TCP11L1: variants seen among roughly 807,000 people sequenced by gnomAD.
TCP11L1 encodes the protein t-complex 11 like 1, also known as T-complex protein 11-like protein 1.
TCP11L1 carries 28 observed loss-of-function variants against 48.9 expected under a neutral mutation model. The observed-to-expected ratio is 0.57, with a 90% CI of 0.42 to 0.78. The LOEUF (loss-of-function observed/expected upper bound fraction) is 0.78. Ranked by LOEUF, TCP11L1 falls within the 30% of genes least tolerant of loss-of-function variation. The probability of loss-of-function intolerance (pLI) is 0.00; values close to 1 mark genes in which losing one functional copy is unlikely to be tolerated. For missense variants in TCP11L1, 505 were observed against 613.4 expected (o/e 0.82, Z 1.87); for synonymous variants, 204 against 231.9 (o/e 0.88, Z 1.09).
chr11:33,046,127 G>A (rs951529532), intron 2 of TCP11L1, among the ~76,000 whole-genome samples: 4 of 152,226 alleles, frequency 2.6e-5, no homozygotes, highest in African/African-American at 4.8e-5. Flanking sequence ...GGTGCTGCAG[G>A]GCAGCCTTCT....
At chr11:33,042,062 C>T (rs980139951) in intron 1 of TCP11L1, among the ~76,000 whole-genome samples, 2 of 152,220 alleles carry the variant, frequency 1.3e-5, no homozygotes, top group African/African-American at 4.8e-5. Context: ...CTCCCAGAAA[C>T]ACCCTAGGAA....
At chr11:33,062,416 C>T (rs1353973818) in intron 7 of TCP11L1, among the ~76,000 whole-genome samples, 1 of 151,646 alleles carries the variant, frequency 6.6e-6, no homozygotes, top group Admixed American at 6.6e-5. Flanking sequence ...TGCCTGGCTT[C>T]TTTCACCAAT....
intron 2 of TCP11L1, among the ~76,000 whole-genome samples, chr11:33,051,676 C>T (rs1295607374): frequency 6.6e-6 from 1 of 151,996 alleles, no homozygotes; most frequent in African/African-American, 2.4e-5. Context: ...CCAGGCTGGT[C>T]TCGAACTCCT....
At chr11:33,065,415 C>T (rs150802163) in intron 7 of TCP11L1, among the ~76,000 whole-genome samples, 98 of 152,274 alleles carry the variant, frequency 6.4e-4, no homozygotes, top group African/African-American at 2.4e-3. Flanking sequence ...AGGCATGCAC[C>T]ACCACACCCG....
chr11:33,064,566 A>G (rs1335747679), intron 7 of TCP11L1, among the ~76,000 whole-genome samples: 1 of 147,354 alleles, frequency 6.8e-6, no homozygotes, highest in Non-Finnish European at 1.5e-5. Flanking sequence ...TGTCTTTAAC[A>G]TGGGGGAGGC....
chr11:33,065,874 G>T lies in TCP11L1; in HGVS notation c.1017G>T (p.Gln339His), dbSNP rs531963910. ...CTCGCTTCCACGAGCTCCAGTTGCA[G>T]CTGGAACAACTGACCATCCTGGGGG... The part of the protein sequence containing the change: ...DQSRFHELQL[Q>H]LEQLTILGAV... Residue 339 changes from glutamine to histidine, a missense_variant, in exon 8 of 10, where the codon CAG becomes CAT. By Grantham distance (24) the Gln-to-His change is conservative. Around this residue, in one of 3 missense-constraint regions of TCP11L1, gnomAD observed 335 missense variants for 413.3 expected, o/e 0.81. Coordinates refer to ENST00000334274, the MANE Select transcript of TCP11L1 (RefSeq NM_018393.4). The T allele has an allele frequency of 6.2e-7, 1 of 1,614,136 alleles. No homozygotes were observed. The highest frequency in any genetic ancestry group is 1.1e-5 in the South Asian group (1 of 91,074).
chr11:33,069,001 C>A, intron 9 of TCP11L1, 142 bp downstream of exon 9: 2 of 1,060,776 alleles, frequency 1.9e-6, no homozygotes, highest in Admixed American at 2.8e-5. Context: ...ACAGAGAGAC[C>A]AGGGCCACCC....
intron 2 of TCP11L1, among the ~76,000 whole-genome samples, chr11:33,048,881 C>T (rs560571488): frequency 1.3e-5 from 2 of 152,310 alleles, no homozygotes; most frequent in East Asian, 1.9e-4. Context: ...TCCTGATTTG[C>T]TCCAGCCACT....
chr11:33,072,571 G>A lies in TCP11L1; in HGVS notation c.1425G>A (p.Glu475=), dbSNP rs1208689265. Residue 475 remains glutamate, a synonymous_variant, in exon 10 of 10, where the codon GAG becomes GAA. Coordinates refer to ENST00000334274, the MANE Select transcript of TCP11L1 (RefSeq NM_018393.4). ...VPGGLSPVQR[E]LEEVAIKFAR... ...GGGGACTCAGTCCAGTTCAGAGAGA[G>A]CTGGAGGAAGTTGCTATTAAATTTG... 6 of 1,614,144 alleles carry A rather than the reference G, an allele frequency of 3.7e-6. No homozygotes were observed. The South Asian group carries it at 5.5e-5, about 15-fold the overall frequency.
intron 3 of TCP11L1, among the ~76,000 whole-genome samples, chr11:33,056,151 C>A (rs527593901): frequency 4.6e-5 from 7 of 152,234 alleles, no homozygotes; most frequent in Non-Finnish European, 1.0e-4. Flanking sequence ...GCTCAGTTGC[C>A]TAGGCTGGAG....
At chr11:33,062,879 A>T (rs765443921) in intron 7 of TCP11L1, among the ~76,000 whole-genome samples, 1 of 152,252 alleles carries the variant, frequency 6.6e-6, no homozygotes, top group East Asian at 1.9e-4. Flanking sequence ...AAATTTTTTT[A>T]AATTTTAGAG....
intron 9 of TCP11L1, among the ~76,000 whole-genome samples, chr11:33,070,700 A>T (rs1854760156): frequency 6.6e-6 from 1 of 151,108 alleles, no homozygotes; most frequent in African/African-American, 2.4e-5. Flanking sequence ...AAAAAAAAAA[A>T]AAAAAGAATA....
At chr11:33,041,635 C>T (rs550966804) in intron 1 of TCP11L1, among the ~76,000 whole-genome samples, 96 of 152,088 alleles carry the variant, frequency 6.3e-4, no homozygotes, top group African/African-American at 2.3e-3. Flanking sequence ...CCTATAATCC[C>T]AGCTACTGGG....
chr11:33,061,449 G>A, intron 6 of TCP11L1, 81 bp from the exon 7 acceptor site: 3 of 1,339,422 alleles, frequency 2.2e-6, no homozygotes. Context: ...ACTCCACCAG[G>A]ACATCGATTG....
rs1184965098 is a variant in TCP11L1 at position 33,072,580 on chromosome 11, A to G, written c.1434A>G (p.Glu478=). Residue 478 remains glutamate, a synonymous_variant, in exon 10 of 10, where the codon GAA becomes GAG. Transcript: ENST00000334274. ...GTCCAGTTCAGAGAGAGCTGGAGGA[A>G]GTTGCTATTAAATTTGCTCGCCTGG... ...GLSPVQRELE[E]VAIKFARLVN... 1 of 1,614,156 alleles carries G rather than the reference A, an allele frequency of 6.2e-7. No homozygotes were observed. Among genetic ancestry groups the G allele is most frequent in the Non-Finnish European group, 8.5e-7 (1 of 1,180,014 alleles).
At chr11:33,049,024 G>A (rs953866911) in intron 2 of TCP11L1, among the ~76,000 whole-genome samples, 4 of 152,166 alleles carry the variant, frequency 2.6e-5, no homozygotes, top group Non-Finnish European at 5.9e-5. Flanking sequence ...GGCCAAGGCA[G>A]GTGGATCATG....
At position 33,049,057 on chromosome 11, in the gene TCP11L1, C is replaced by G. The variant is rs184733368; in HGVS notation, c.163+5121C>G. On this transcript the variant is annotated intron_variant, in intron 2 of 9. Coordinates refer to ENST00000334274, the MANE Select transcript of TCP11L1 (RefSeq NM_018393.4). ...ATGAGGTCAAGAGATCAAGACCATC[C>G]TGGCCAACATGGTGAAACCCTGTCT... 1.4e-3 allele frequency among the ~76,000 whole-genome samples: 218 copies of G among 152,276 alleles called. 1 individual carries two copies. Among genetic ancestry groups the G allele is most frequent in the African/African-American group, 5.1e-3 (210 of 41,562 alleles).
chr11:33,061,791 A>G (rs1854475391), intron 7 of TCP11L1, 65 bp downstream of exon 7: 2 of 1,468,766 alleles, frequency 1.4e-6, no homozygotes, highest in East Asian at 4.9e-5. Context: ...TTTAAAAAGA[A>G]TAGCTTTGGC....
At chr11:33,049,640 CG>C (rs760461070) in intron 2 of TCP11L1, among the ~76,000 whole-genome samples, 44 of 152,142 alleles carry the variant, frequency 2.9e-4, no homozygotes, top group Non-Finnish European at 6.2e-4. Flanking sequence ...TTGATGTGCA[CG>C]GATACAAACT....
Sources: allele counts gnomAD v4.1 joint callset (sites outside exome capture counted in the v4.1 genomes callset), GRCh38; gene constraint gnomAD v4.1.1; regional missense constraint gnomAD v4.1.1; transcripts MANE v1.5; gene names NCBI Gene and HGNC (gene_info 2026-07-23, HGNC 2026-07-21).